RFPL2: variants seen among roughly 807,000 people sequenced by gnomAD.
RFPL2 encodes the protein ret finger protein like 2.
In RFPL2, 13 loss-of-function variants were observed where a neutral mutation model predicts 17.8. The observed-to-expected ratio is 0.73, with a 90% CI of 0.47 to 1.16. RFPL2 has a LOEUF of 1.16. Among genes scored for constraint, RFPL2 ranks in the 50% most tolerant of loss-of-function variants. The pLI is 0.00. For synonymous variants in RFPL2, 189 were observed against 180.9 expected, an observed-to-expected ratio of 1.04 and a Z score of -0.36; for missense variants, 431 against 479.3, an observed-to-expected ratio of 0.90 and a Z score of 0.94.
At position 32,194,470 on chromosome 22, in the gene RFPL2, A is replaced by G; in HGVS notation, c.140T>C (p.Val47Ala). The change falls in exon 3 of 5, where the codon GTG becomes GCG. Residue 47 changes from valine to alanine, a missense_variant. Transcript: ENST00000652607. ...RSLSLIRLEG[V>A]EGRDPVGGGN... ...ACCTCCCACTGGGTCACGCCCTTCCACACCCTCTAACCTGATGAGGCTTTG... is the reference window on the plus strand; with the variant it reads ...ACCTCCCACTGGGTCACGCCCTTCCGCACCCTCTAACCTGATGAGGCTTTG... 1 of 1,611,516 alleles carries G rather than the reference A, an allele frequency of 6.2e-7. No individual in the cohort carries two copies. Among genetic ancestry groups the G allele is most frequent in the Non-Finnish European group, 8.5e-7 (1 of 1,179,252 alleles).
intron 4 of RFPL2, among the ~76,000 whole-genome samples, 179 bp downstream of exon 4, chr22:32,192,723 T>A (rs574753091): frequency 6.6e-6 from 1 of 152,326 alleles, no homozygotes; most frequent in East Asian, 1.9e-4. Context: ...TTGTTTGTTT[T>A]TGTTTTTGAC....
At chr22:32,203,201 G>A in intron 1 of RFPL2, 2 of 631,948 alleles carry the variant, frequency 3.2e-6, no homozygotes, top group Non-Finnish European at 3.9e-6. Context: ...CACGGGCAGC[G>A]CAGCCCGGGA....
chr22:32,204,422 C>G (rs554887098), intron 1 of RFPL2, among the ~76,000 whole-genome samples: 9 of 152,244 alleles, frequency 5.9e-5, no homozygotes, highest in African/African-American at 2.2e-4. Flanking sequence ...GCACCCAATA[C>G]TGCCCCTAAC....
intron 1 of RFPL2, among the ~76,000 whole-genome samples, chr22:32,204,053 C>A (rs1223065180): frequency 6.6e-6 from 1 of 151,332 alleles, no homozygotes; most frequent in African/African-American, 2.4e-5. Context: ...AGTCCAACCC[C>A]AAATAGCGCA....
chr22:32,190,565 G>T lies in RFPL2; in HGVS notation c.*207C>A. ...GACATTTCTATAGGAAACAAGATGT[G>T]AACCATAGGACTCAATGAGTTTGAT... On this transcript the variant is annotated 3_prime_UTR_variant, in exon 5 of 5. Transcript: ENST00000652607. 1 of 446,034 alleles carries T rather than the reference G, an allele frequency of 2.2e-6. No homozygotes were observed. The allele number at this position is 446,034 out of a possible 1,614,324, so 27.6% of individuals were successfully genotyped here.
intron 2 of RFPL2, among the ~76,000 whole-genome samples, chr22:32,196,847 G>T (rs55729371): frequency 0.049 from 7,408 of 152,248 alleles, 641 homozygotes; most frequent in African/African-American, 0.17. Flanking sequence ...ACAGGTGTGG[G>T]AGGGACACGG....
At chr22:32,198,812 G>A (rs530025433) in intron 2 of RFPL2, among the ~76,000 whole-genome samples, 60 of 151,014 alleles carry the variant, frequency 4.0e-4, no homozygotes, top group Non-Finnish European at 8.0e-4. Flanking sequence ...GCACTAGGCC[G>A]GGTGACCTAC....
chr22:32,203,955 CCCCTCG>C (rs1924256848), intron 1 of RFPL2, among the ~76,000 whole-genome samples: 1 of 151,394 alleles, frequency 6.6e-6, no homozygotes, highest in Non-Finnish European at 1.5e-5. Flanking sequence ...CCCCCATCTC[CCCCTCG>C]CCTCGGGCAG....
rs765516553 is a variant in RFPL2, at chr22:32,205,065, A to T, written c.-458T>A. 6.6e-6 allele frequency: 1 copy of T among 152,218 alleles called. No individual in the cohort carries two copies. Among genetic ancestry groups the T allele is most frequent in the South Asian group, 2.1e-4 (1 of 4,816 alleles). 9.4% of individuals were successfully genotyped at this position (152,218 alleles called of 1,614,324 possible). A position where few individuals can be genotyped will look rare whatever the true frequency, so the allele number is the denominator to read the frequency against. ...CAGGCTCATCTGCGTCGGCCTGCGTAGCTGCTCTGTGCCCGGCTTAGAGGA... is the reference window on the plus strand; with the variant it reads ...CAGGCTCATCTGCGTCGGCCTGCGTTGCTGCTCTGTGCCCGGCTTAGAGGA... On this transcript the variant is annotated 5_prime_UTR_variant, in exon 1 of 5. Coordinates refer to ENST00000652607, the MANE Select transcript of RFPL2 (RefSeq NM_001394555.1).
chr22:32,191,709 T>C (rs1922676287), intron 4 of RFPL2, among the ~76,000 whole-genome samples: 1 of 152,226 alleles, frequency 6.6e-6, no homozygotes, highest in Admixed American at 6.5e-5. Context: ...AAGTGGTCGA[T>C]ATTAAATGAT....
intron 1 of RFPL2, chr22:32,203,214 A>T (rs1924138500): frequency 2.2e-6 from 1 of 462,622 alleles, no homozygotes; most frequent in Admixed American, 6.4e-5. Flanking sequence ...GCCCGGGATA[A>T]CTCCCCAAAC....
At position 32,202,324 on chromosome 22, in the gene RFPL2, G is replaced by T. The variant is rs1168772401; in HGVS notation, c.119+9C>A. ...GGAGCAATGCGGAAAACCCAGAATT[G>T]TCTCTCACCTCAGGCTCCTTATCAC... is the stretch of plus-strand genomic sequence containing the variant. On this transcript the variant is annotated intron_variant, in intron 2 of 4. Coordinates refer to ENST00000652607, the MANE Select transcript of RFPL2 (RefSeq NM_001394555.1). 1 of 1,585,438 alleles carries T rather than the reference G, an allele frequency of 6.3e-7. No homozygotes were observed. The highest frequency in any genetic ancestry group is 8.6e-7 in the Non-Finnish European group (1 of 1,165,586).
chr22:32,193,976 C>A (rs1923033998), intron 3 of RFPL2, among the ~76,000 whole-genome samples: 1 of 151,896 alleles, frequency 6.6e-6, no homozygotes, highest in South Asian at 2.1e-4. Context: ...AGTTTGAGAC[C>A]AGTCTGGGCA....
chr22:32,198,671 T>TG (rs1344408808), intron 2 of RFPL2, among the ~76,000 whole-genome samples: 10 of 151,902 alleles, frequency 6.6e-5, no homozygotes, highest in African/African-American at 2.4e-4. Context: ...TGTTGGCTTG[T>TG]GGTAAAGCTT....
At chr22:32,195,935 C>T (rs1208002988) in intron 2 of RFPL2, among the ~76,000 whole-genome samples, 2 of 152,044 alleles carry the variant, frequency 1.3e-5, no homozygotes, top group Non-Finnish European at 2.9e-5. Flanking sequence ...TCCCTCTTAC[C>T]CTTCCCAGCC....
intron 2 of RFPL2, among the ~76,000 whole-genome samples, chr22:32,201,484 A>T (rs1923913311): frequency 6.6e-6 from 1 of 152,206 alleles, no homozygotes. Context: ...TTGGTCTCTG[A>T]CACATGCACA....
intron 1 of RFPL2, 69 bp from the exon 2 acceptor site, chr22:32,202,619 C>G: frequency 1.4e-6 from 2 of 1,423,090 alleles, no homozygotes; most frequent in Non-Finnish European, 1.8e-6. Context: ...TGGCAGGGGC[C>G]GGTTTCAGCG....
At chr22:32,199,612 C>T (rs1437190096) in intron 2 of RFPL2, among the ~76,000 whole-genome samples, 2 of 152,174 alleles carry the variant, frequency 1.3e-5, no homozygotes, top group African/African-American at 2.4e-5. Context: ...CAGCCAGAGC[C>T]GGACTGCGTC....
intron 2 of RFPL2, chr22:32,200,148 T>C (rs905421957): frequency 3.1e-5 from 12 of 382,398 alleles, no homozygotes; most frequent in African/African-American, 2.4e-4. Flanking sequence ...ACCCCATCAA[T>C]GGAGGTCCCG....
Sources: gnomAD v4.1 joint callset for allele counts (sites outside exome capture counted in the v4.1 genomes callset) on GRCh38, gnomAD v4.1.1 for gene constraint, MANE v1.5 for transcripts, NCBI Gene and HGNC (gene_info 2026-07-23, HGNC 2026-07-21) for gene names.